ANO5: variants seen among roughly 807,000 people sequenced by gnomAD.
ANO5 encodes the protein anoctamin-5.
ANO5 carries 109 observed loss-of-function variants against 121.0 expected under a neutral mutation model. The ratio of observed to expected loss-of-function variants is 0.90; its 90% CI spans 0.77 to 1.06. The LOEUF (loss-of-function observed/expected upper bound fraction) is 1.06. Ranked by LOEUF, ANO5 falls within the 50% of genes least tolerant of loss-of-function variation. The probability of loss-of-function intolerance (pLI) is 0.00; values close to 1 mark genes in which losing one functional copy is unlikely to be tolerated. For synonymous variants in ANO5, 406 were observed against 359.9 expected (o/e 1.13, Z -1.45); for missense variants, 1,064 against 1,078.5 (o/e 0.99, Z 0.19).
At chr11:22,276,871 G>A (rs966218715) in intron 21 of ANO5, among the ~76,000 whole-genome samples, 9 of 151,234 alleles carry the variant, frequency 6.0e-5, no homozygotes, top group Non-Finnish European at 8.9e-5. Context: ...AATAAAGCCC[G>A]ATAAAAGACA....
chr11:22,247,603 G>T (rs968293535), intron 9 of ANO5, among the ~76,000 whole-genome samples: 1 of 151,988 alleles, frequency 6.6e-6, no homozygotes, highest in East Asian at 1.9e-4. Flanking sequence ...AGAATGATAG[G>T]GTGTCTAGAA....
At chr11:22,231,861 A>G (rs780055656) in intron 7 of ANO5, among the ~76,000 whole-genome samples, 2 of 152,144 alleles carry the variant, frequency 1.3e-5, no homozygotes, top group East Asian at 1.9e-4. Context: ...CTTTCTGGAC[A>G]CAAGAAATTA....
intron 1 of ANO5, among the ~76,000 whole-genome samples, chr11:22,201,333 TA>T (rs1401805993): frequency 6.6e-6 from 1 of 152,150 alleles, no homozygotes; most frequent in African/African-American, 2.4e-5. Context: ...CTTTTGCGGA[TA>T]AAAAGATAGT....
chr11:22,248,052 T>G (rs1399449393), intron 9 of ANO5, among the ~76,000 whole-genome samples: 1 of 152,156 alleles, frequency 6.6e-6, no homozygotes, highest in Non-Finnish European at 1.5e-5. Flanking sequence ...ATGGATTCAT[T>G]GTAAAAATAA....
intron 7 of ANO5, among the ~76,000 whole-genome samples, chr11:22,229,558 T>A (rs1007476189): frequency 6.6e-6 from 1 of 151,934 alleles, no homozygotes; most frequent in African/African-American, 2.4e-5. Context: ...AAACAAATAA[T>A]GATAATACTG....
rs911367458 is a variant in ANO5, at chr11:22,193,541, G to C, written c.40+9G>C. On this transcript the variant is annotated intron_variant, in intron 1 of 21. Coordinates refer to ENST00000324559, the MANE Select transcript of ANO5 (RefSeq NM_213599.3). ...AGTGTTGGCGGAGGAAGGTAGGACC[G>C]CGCCAAGAGGCGTCAAGGGAGAGCC... 6.8e-6 allele frequency: 11 copies of C among 1,611,722 alleles called. No homozygotes were observed. Among genetic ancestry groups the C allele is most frequent in the Non-Finnish European group, 9.3e-6 (11 of 1,179,412 alleles).
Position 22,272,785 on chromosome 11 carries a change from T to C in ANO5, c.2031T>C (p.Val677=). 1 of 1,613,504 alleles carries C rather than the reference T, an allele frequency of 6.2e-7. No homozygotes were observed. ...LGLFYEYLET[V]TQFGFVTLFV... The stretch of plus-strand genomic sequence containing the variant: ...CATGCCTTTTTCTTTTCTCTACAGT[T>C]ACTCAATTTGGATTTGTTACACTAT... The change falls in exon 19 of 22, where the codon GTT becomes GTC. Residue 677 remains valine (V), a splice_region_variant and synonymous_variant. Coordinates refer to ENST00000324559, the MANE Select transcript of ANO5 (RefSeq NM_213599.3).
intron 2 of ANO5, among the ~76,000 whole-genome samples, chr11:22,205,463 A>T (rs1852089547): frequency 6.6e-6 from 1 of 152,066 alleles, no homozygotes; most frequent in East Asian, 1.9e-4. Flanking sequence ...TAGTTTGCAG[A>T]TCAATATACA....
At chr11:22,192,887 G>A, upstream of ANO5, 2 of 766,226 alleles carry the variant, frequency 2.6e-6, no homozygotes, top group Non-Finnish European at 3.2e-6. Context: ...GGAGGTGCGG[G>A]AGGCGGCAGA....
At chr11:22,196,441 GT>G (rs1851812908) in intron 1 of ANO5, among the ~76,000 whole-genome samples, 1 of 149,990 alleles carries the variant, frequency 6.7e-6, no homozygotes, top group South Asian at 2.1e-4. Context: ...TTCACCATGA[GT>G]TTTGGAGGGA....
chr11:22,268,284 T>TA (rs1474152021), intron 17 of ANO5, among the ~76,000 whole-genome samples: 1 of 151,264 alleles, frequency 6.6e-6, no homozygotes, highest in Non-Finnish European at 1.5e-5. Context: ...CTTTTTTTTT[T>TA]AATAATACCG....
intron 5 of ANO5, among the ~76,000 whole-genome samples, chr11:22,223,648 G>T (rs1316834980): frequency 2.0e-5 from 3 of 152,010 alleles, no homozygotes; most frequent in African/African-American, 4.8e-5. Context: ...AAAGTTGCAG[G>T]CAGGCCTTTC....
intron 2 of ANO5, among the ~76,000 whole-genome samples, chr11:22,210,806 T>C (rs939146879): frequency 6.6e-6 from 1 of 151,976 alleles, no homozygotes; most frequent in Non-Finnish European, 1.5e-5. Context: ...GTATTCCCTT[T>C]AATGATTTCA....
rs193268165 is a variant in ANO5 at position 22,265,404 on chromosome 11, G to C, written c.1898+2361G>C. Among the ~76,000 whole-genome samples the C allele has an allele frequency of 4.2e-3, 643 of 152,152 alleles. 6 individuals carry two copies. Among genetic ancestry groups the C allele is most frequent in the African/African-American group, 0.015 (609 of 41,528 alleles). On this transcript the variant is annotated intron_variant, in intron 17 of 21. Transcript: ENST00000324559. ...AAATAGACATTTTTAGACATGAAAA[G>C]ACTAGGAGAGTTTGCATGTAAAATT...
chr11:22,249,206 A>C (rs866632358), intron 9 of ANO5, among the ~76,000 whole-genome samples: 3 of 152,104 alleles, frequency 2.0e-5, no homozygotes, highest in East Asian at 3.8e-4. Context: ...AGAGTGTTGA[A>C]ATATGAAGAA....
At chr11:22,250,639 T>G (rs535597620) in intron 10 of ANO5, 102 bp from the exon 11 acceptor site, 1 of 1,226,796 alleles carries the variant, frequency 8.2e-7, no homozygotes, top group Non-Finnish European at 1.2e-6. Flanking sequence ...GCCCCTTCTG[T>G]TATATGTGAG....
chr11:22,210,394 A>G (rs776916083), intron 2 of ANO5, among the ~76,000 whole-genome samples: 1 of 151,892 alleles, frequency 6.6e-6, no homozygotes, highest in Non-Finnish European at 1.5e-5. Context: ...TGTTGTAAAT[A>G]TGTCTGTTAC....
Position 22,281,199 on chromosome 11 carries a change from AG to A in ANO5, c.*1435del, listed in dbSNP as rs1855062859. ...AATTATAATTCACCTCCAAAAGAAT[AG>A]TTTTTTAATCACACACATAAGAAAT... On this transcript the variant is annotated 3_prime_UTR_variant, in exon 22 of 22. Transcript: ENST00000324559. 1 of 152,070 alleles carries A rather than the reference AG, an allele frequency of 6.6e-6. No homozygotes were observed. The highest frequency in any genetic ancestry group is 6.6e-5 in the Admixed American group (1 of 15,266). 9.4% of individuals were successfully genotyped at this position (152,070 alleles called of 1,614,324 possible). A position where few individuals can be genotyped will look rare whatever the true frequency, so the allele number is the denominator to read the frequency against.
intron 21 of ANO5, chr11:22,278,021 G>T (rs1854930803): frequency 6.6e-6 from 1 of 151,544 alleles, no homozygotes; most frequent in Non-Finnish European, 1.5e-5. Context: ...ATAATTAAAA[G>T]TTGTTTTTCT....
Sources: gnomAD v4.1 joint callset for allele counts (sites outside exome capture counted in the v4.1 genomes callset) on GRCh38, gnomAD v4.1.1 for gene constraint, MANE v1.5 for transcripts, NCBI Gene and HGNC (gene_info 2026-07-23, HGNC 2026-07-21) for gene names.